Variants in SDCBP2 observed in about 807,000 individuals in gnomAD.
The protein encoded by SDCBP2 is syndecan binding protein 2.
A neutral mutation model predicts 30.7 loss-of-function variants in SDCBP2; 28 were observed. The observed-to-expected ratio is 0.91, with a 90% confidence interval of 0.68 to 1.25. SDCBP2 has a LOEUF of 1.25. Among genes scored for constraint, SDCBP2 ranks in the 50% most tolerant of loss-of-function variants. SDCBP2 has a pLI of 0.00. For synonymous variants in SDCBP2, 166 were observed against 157.3 expected (o/e 1.06, Z -0.41); for missense variants, 399 against 379.0 (o/e 1.05, Z -0.44).
intron 1 of SDCBP2, among the ~76,000 whole-genome samples, chr20:1,326,641 C>T (rs1455864486): frequency 2.0e-5 from 3 of 152,214 alleles, no homozygotes; most frequent in Non-Finnish European, 4.4e-5. Context: ...CTTCTCTAGA[C>T]GACAGCATTT....
intron 4 of SDCBP2, among the ~76,000 whole-genome samples, chr20:1,315,378 A>C (rs2088762001): frequency 6.6e-6 from 1 of 152,196 alleles, no homozygotes; most frequent in African/African-American, 2.4e-5. Context: ...AAAATACAAA[A>C]ATTAGCCAGG....
chr20:1,312,717 C>G lies in SDCBP2; in HGVS notation c.430G>C (p.Val144Leu), dbSNP rs141248742. The change falls in exon 6 of 9, where the codon GTG (valine) becomes CTG (leucine). Residue 144 changes from valine to leucine, a missense_variant. Coordinates refer to ENST00000360779, the MANE Select transcript of SDCBP2 (RefSeq NM_080489.5). ...AGCTGGTCCCCAAAGCGCAGCCCCA[C>G]AAGGGATGCAGGGGTGTTGGCCTGG... ...LVQANTPASL[V>L]GLRFGDQLLQ... 11 of 1,614,014 alleles carry G rather than the reference C, an allele frequency of 6.8e-6. No individual in the cohort carries two copies. Among genetic ancestry groups the G allele is most frequent in the African/African-American group, 1.3e-5 (1 of 75,060 alleles).
In SDCBP2 at chr20:1,310,356, G is replaced by T. The variant is rs113631653; in HGVS notation, c.*85C>A. 2.1e-6 allele frequency: 3 copies of T among 1,409,496 alleles called. No homozygotes were observed. In the South Asian group the frequency reaches 3.5e-5, roughly 17 times the overall value. 87.3% of individuals were successfully genotyped at this position (1,409,496 alleles called of 1,614,324 possible). The stretch of plus-strand genomic sequence containing the variant: ...CAGCCCCCACCTTAAGCAGCAGGCC[G>T]GCTGCAACCCATCATCCGAGGGTGG... On this transcript the variant is annotated 3_prime_UTR_variant, in exon 9 of 9. Transcript: ENST00000360779.
chr20:1,319,981 C>A (rs574022386), intron 2 of SDCBP2, among the ~76,000 whole-genome samples: 1 of 152,302 alleles, frequency 6.6e-6, no homozygotes, highest in South Asian at 2.1e-4. Context: ...CCCACTGGAA[C>A]CACAGAGTGC....
chr20:1,310,525 G>T (rs1167585555), intron 8 of SDCBP2, 30 bp from the exon 9 acceptor site: 4 of 1,610,810 alleles, frequency 2.5e-6, no homozygotes, highest in Non-Finnish European at 3.4e-6. Context: ...TGACCAGGTT[G>T]GCAGCTCCTT....
chr20:1,310,611 A>T, intron 8 of SDCBP2, 116 bp from the exon 9 acceptor site: 1 of 1,116,834 alleles, frequency 9.0e-7, no homozygotes, highest in South Asian at 1.5e-5. Flanking sequence ...CAGTTCTAAG[A>T]CTTTCGAATC....
In SDCBP2 at chr20:1,318,408, T is replaced by G. The variant is rs776686048; in HGVS notation, c.135A>C (p.Pro45=). The G allele has an allele frequency of 6.2e-7, 1 of 1,600,302 alleles. No homozygotes were observed. Among genetic ancestry groups the G allele is most frequent in the South Asian group, 1.1e-5 (1 of 89,926 alleles). Residue 45 remains proline, a synonymous_variant, in exon 4 of 9, where the codon CCA becomes CCC. Transcript: ENST00000360779. ...TAISPPPVLY[P]NLAELENYMG... is the part of the protein sequence containing the mutation. ...TATAATTTTCCAGTTCTGCCAAGTT[T>G]GGGTACAAAACTGATAGGGAAAGAA... is the stretch of plus-strand genomic sequence containing the variant.
At chr20:1,326,896 G>A (rs2088935423) in intron 1 of SDCBP2, among the ~76,000 whole-genome samples, 1 of 152,236 alleles carries the variant, frequency 6.6e-6, no homozygotes, top group Non-Finnish European at 1.5e-5. Flanking sequence ...AGAAGAGAAA[G>A]CCTGATATCC....
chr20:1,313,039 G>A lies in SDCBP2; in HGVS notation c.385-277C>T, dbSNP rs1400540638. On this transcript the variant is annotated intron_variant, in intron 5 of 8. Coordinates refer to ENST00000360779, the MANE Select transcript of SDCBP2 (RefSeq NM_080489.5). The surrounding 1 kb of genome is among the most constrained non-coding windows in gnomAD (Gnocchi z 5.2). ...TCACAAAGGCATGGGCTTCCCTGGCGTCGGCTGTCTACACCGTCGCCTGGA... is the reference window on the plus strand; with the variant it reads ...TCACAAAGGCATGGGCTTCCCTGGCATCGGCTGTCTACACCGTCGCCTGGA... The A allele has an allele frequency of 8.5e-6, 5 of 585,496 alleles. No individual in the cohort carries two copies. The East Asian group carries it at 8.6e-5, about 10-fold the overall frequency. The allele number at this position is 585,496 out of a possible 1,614,324, so 36.3% of individuals were successfully genotyped here.
rs574107843 is a variant in SDCBP2, at chr20:1,320,644, C to G, written c.-19-209G>C. Reference sequence around the variant, plus strand: ...TTCCACTCATCTCCAGCCTCACTGTCAACTTTTAATCTTGGCCACAATGAA... The same window carrying G: ...TTCCACTCATCTCCAGCCTCACTGTGAACTTTTAATCTTGGCCACAATGAA... On this transcript the variant is annotated intron_variant, in intron 1 of 8. Transcript: ENST00000360779. This position sits in a 1 kb window ranked among gnomAD's most constrained non-coding sequence, Gnocchi z 4.7. 2.3e-6 allele frequency: 1 copy of G among 433,282 alleles called. No individual in the cohort carries two copies. The highest frequency in any genetic ancestry group is 2.0e-5 in the African/African-American group (1 of 50,610). 26.8% of individuals were successfully genotyped at this position (433,282 alleles called of 1,614,324 possible).
intron 1 of SDCBP2, among the ~76,000 whole-genome samples, chr20:1,327,580 G>A (rs1481400984): frequency 6.6e-6 from 1 of 152,248 alleles, no homozygotes; most frequent in Non-Finnish European, 1.5e-5. Flanking sequence ...TCCTCAAGCA[G>A]ACACGCCTGA....
At position 1,313,899 on chromosome 20, in the gene SDCBP2, A is replaced by T. The variant is rs942055175; in HGVS notation, c.226-401T>A. The stretch of plus-strand genomic sequence containing the variant: ...AAATGTAAAAATATACAAATTCATG[A>T]TGCAGAAAAAGGCAAGGAACTTCAC... On this transcript the variant is annotated intron_variant, in intron 4 of 8. Coordinates refer to ENST00000360779, the MANE Select transcript of SDCBP2 (RefSeq NM_080489.5). This position sits in a 1 kb window ranked among gnomAD's most constrained non-coding sequence, Gnocchi z 5.2. 1.7e-5 allele frequency among the ~76,000 whole-genome samples: 2 copies of T among 117,560 alleles called. No individual in the cohort carries two copies. Among genetic ancestry groups the T allele is most frequent in the African/African-American group, 6.1e-5 (2 of 32,968 alleles). 77.1% of individuals were successfully genotyped at this position (117,560 alleles called of 152,430 possible).
chr20:1,312,707 C>T lies in SDCBP2; in HGVS notation c.440G>A (p.Arg147His), dbSNP rs200330837. 53 of 1,614,104 alleles carry T rather than the reference C, an allele frequency of 3.3e-5. No individual in the cohort carries two copies. The highest frequency in any genetic ancestry group is 3.6e-5 in the Non-Finnish European group (42 of 1,180,024). The change falls in exon 6 of 9, where the codon CGC becomes CAC. Residue 147 changes from arginine to histidine, a missense_variant. Physicochemically the swap from Arg to His is conservative, Grantham distance 29 (BLOSUM62 0). Transcript: ENST00000360779. ...ANTPASLVGLRFGDQLLQIDG... is the reference protein window; with the variant it reads ...ANTPASLVGLHFGDQLLQIDG... Reference sequence around the variant, plus strand: ...AATCTGCAGGAGCTGGTCCCCAAAGCGCAGCCCCACAAGGGATGCAGGGGT... The same window carrying T: ...AATCTGCAGGAGCTGGTCCCCAAAGTGCAGCCCCACAAGGGATGCAGGGGT...
chr20:1,316,679 C>T (rs1164084124), intron 4 of SDCBP2, among the ~76,000 whole-genome samples: 1 of 152,172 alleles, frequency 6.6e-6, no homozygotes, highest in Non-Finnish European at 1.5e-5. Flanking sequence ...CATGCACCAC[C>T]ACACCTGGTG....
intron 8 of SDCBP2, 87 bp from the exon 9 acceptor site, chr20:1,310,582 C>T: frequency 7.7e-7 from 1 of 1,298,510 alleles, no homozygotes; most frequent in Non-Finnish European, 1.1e-6. Context: ...CCAGTGCATC[C>T]CATGTGGGCC....
chr20:1,313,667 C>A lies in SDCBP2; in HGVS notation c.226-169G>T. The A allele has an allele frequency of 7.3e-7, 1 of 1,364,902 alleles. No individual in the cohort carries two copies. Among genetic ancestry groups the A allele is most frequent in the Non-Finnish European group, 9.4e-7 (1 of 1,060,798 alleles). 84.5% of individuals were successfully genotyped at this position (1,364,902 alleles called of 1,614,324 possible). A position where few individuals can be genotyped will look rare whatever the true frequency, so the allele number is the denominator to read the frequency against. On this transcript the variant is annotated intron_variant, in intron 4 of 8. Transcript: ENST00000360779. This position sits in a 1 kb window ranked among gnomAD's most constrained non-coding sequence, Gnocchi z 5.2. ...AGGGGCGAGAGGAGACGTGGCTCCA[C>A]GCGGCCACTAGGGGGCGTCAAAGTC... is the stretch of plus-strand genomic sequence containing the variant.
In SDCBP2 at chr20:1,313,205, C is replaced by T; in HGVS notation, c.384+135G>A. ...GGTCTCGGGGAGGAGGGACTGGGGG[C>T]AAGAGCCTGGCCGCTGGGGTTAGGA... On this transcript the variant is annotated intron_variant, in intron 5 of 8. Coordinates refer to ENST00000360779, the MANE Select transcript of SDCBP2 (RefSeq NM_080489.5). The surrounding 1 kb of genome is among the most constrained non-coding windows in gnomAD (Gnocchi z 5.2). 1 of 945,116 alleles carries T rather than the reference C, an allele frequency of 1.1e-6. No individual in the cohort carries two copies. Among genetic ancestry groups the T allele is most frequent in the Non-Finnish European group, 1.6e-6 (1 of 627,238 alleles). The allele number at this position is 945,116 out of a possible 1,614,324, so 58.5% of individuals were successfully genotyped here.
Position 1,313,594 on chromosome 20 carries a change from G to A in SDCBP2, c.226-96C>T. 6.9e-7 allele frequency: 1 copy of A among 1,440,346 alleles called. No individual in the cohort carries two copies. The highest frequency in any genetic ancestry group is 9.1e-7 in the Non-Finnish European group (1 of 1,097,990). 89.2% of individuals were successfully genotyped at this position (1,440,346 alleles called of 1,614,324 possible). A position where few individuals can be genotyped will look rare whatever the true frequency, so the allele number is the denominator to read the frequency against. On this transcript the variant is annotated intron_variant, in intron 4 of 8. Transcript: ENST00000360779. The surrounding 1 kb of genome is among the most constrained non-coding windows in gnomAD (Gnocchi z 5.2). Reference sequence around the variant, plus strand: ...GGGGTAGGGATGGGGAAAGGAGGATGGAGCCGTCCCCGGGTCCCCCCACGT... The same window carrying A: ...GGGGTAGGGATGGGGAAAGGAGGATAGAGCCGTCCCCGGGTCCCCCCACGT...
rs1441057820 is a variant in SDCBP2 at position 1,310,862 on chromosome 20, C to T, written c.762G>A (p.Thr254=). Residue 254 remains threonine (T), a synonymous_variant, in exon 8 of 9, where the codon ACG becomes ACA. Transcript: ENST00000360779. The part of the protein sequence containing the change: ...KDKKIMEILA[T]AGNVVTLTII... The stretch of plus-strand genomic sequence containing the variant: ...TGGTCAGGGTGACAACGTTCCCAGC[C>T]GTGGCCAGAATCTCCATGATCTTTT... 8 of 1,613,886 alleles carry T rather than the reference C, an allele frequency of 5.0e-6. No homozygotes were observed. Among genetic ancestry groups the T allele is most frequent in the Admixed American group, 3.3e-5 (2 of 59,994 alleles).
Sources: allele counts gnomAD v4.1 joint callset (sites outside exome capture counted in the v4.1 genomes callset), GRCh38; gene constraint gnomAD v4.1.1; non-coding constraint Gnocchi (gnomAD v3.1); transcripts MANE v1.5; gene names NCBI Gene and HGNC (gene_info 2026-07-23, HGNC 2026-07-21).